The following UPF3B variants were observed in gnomAD, a reference collection of about 807,000 sequenced individuals.
UPF3B encodes the protein UPF3B regulator of nonsense mediated mRNA decay.
UPF3B carries 7 observed loss-of-function variants against 40.3 expected under a neutral mutation model. The observed-to-expected ratio is 0.17, with a 90% CI of 0.10 to 0.33. UPF3B has a LOEUF of 0.33. UPF3B is among the 10% of genes least tolerant of loss of function. The probability of loss-of-function intolerance (pLI) is 1.00; values close to 1 mark genes in which losing one functional copy is unlikely to be tolerated. For missense variants in UPF3B, 229 were observed against 358.9 expected, an observed-to-expected ratio of 0.64 and a Z score of 2.93; for synonymous variants, 117 against 117.3, an observed-to-expected ratio of 1.00 and a Z score of 0.01.
chrX:119,812,263 GAAA>G (rs111619328), intron 5 of UPF3B, among the ~76,000 whole-genome samples: 1 of 108,904 alleles, frequency 9.2e-6, no homozygotes, highest in Admixed American at 9.8e-5. Context: ...AAAAAAAAAA[GAAA>G]AAAATCCACC....
rs2055838314 is a variant in UPF3B at position 119,813,202 on chromosome X, T to C, written c.602+1998A>G. The stretch of plus-strand genomic sequence containing the variant: ...GATGTTGTCTAACATTTTGTTCTTA[T>C]GGGACAAGAATAGTGGATGTAGTTT... On this transcript the variant is annotated intron_variant, in intron 5 of 6. Transcript: ENST00000636792. Among the ~76,000 whole-genome samples the C allele has an allele frequency of 4.5e-5, 5 of 111,909 alleles. No individual in the cohort carries two copies. In the South Asian group the frequency reaches 1.9e-3, roughly 42 times the overall value.
At chrX:119,842,512 G>A (rs1161002801) in intron 5 of UPF3B, among the ~76,000 whole-genome samples, 5 of 108,531 alleles carry the variant, frequency 4.6e-5, no homozygotes, top group East Asian at 2.9e-4. Context: ...CCCAGGAGGC[G>A]GAAGTTGCAG....
chrX:119,813,338 C>T (rs1365322072), intron 5 of UPF3B, among the ~76,000 whole-genome samples: 6 of 109,844 alleles, frequency 5.5e-5, no homozygotes, highest in African/African-American at 2.0e-4. Context: ...TGGTGCTGTC[C>T]TCTCCATAGT....
At chrX:119,822,462 T>C (rs1234662225) in intron 4 of UPF3B, among the ~76,000 whole-genome samples, 1 of 113,096 alleles carries the variant, frequency 8.8e-6, no homozygotes, top group Non-Finnish European at 1.9e-5. Context: ...TTGCAATGCA[T>C]GTCCTCGCCA....
intron 5 of UPF3B, chrX:119,807,588 T>G: frequency 1.3e-6 from 1 of 782,706 alleles, no homozygotes. Context: ...GATCCTGAAG[T>G]ATAATGAAAT....
intron 10 of UPF3B, among the ~76,000 whole-genome samples, chrX:119,836,952 T>TA (rs1348866790): frequency 9.9e-6 from 1 of 101,425 alleles, no homozygotes; most frequent in Non-Finnish European, 2.0e-5. Context: ...GCCCGGCCAG[T>TA]TTTTTTTTTG....
At chrX:119,807,550 C>T in exon 6 of UPF3B, 3 of 840,235 alleles carry the variant, frequency 3.6e-6, no homozygotes, top group Non-Finnish European at 4.4e-6. Context: ...GCTTCGAGCT[C>T]CTGGATGGTA....
intron 3 of UPF3B, among the ~76,000 whole-genome samples, chrX:119,824,764 C>CTTTTTTTTTTTT (rs11351287): frequency 1.5e-5 from 1 of 65,646 alleles, no homozygotes; most frequent in African/African-American, 6.6e-5. Flanking sequence ...CCATTTCTTT[C>CTTTTTTTTTTTT]TTTTTTTTTT....
Position 119,851,765 on chromosome X carries a change from ACCTC to A in UPF3B, c.261_263+1del. 1 of 325,435 alleles carries A rather than the reference ACCTC, an allele frequency of 3.1e-6. No homozygotes were observed. The highest frequency in any genetic ancestry group is 3.9e-6 in the Non-Finnish European group (1 of 258,633). 26.8% of individuals were successfully genotyped at this position (325,435 alleles called of 1,213,427 possible). A position where few individuals can be genotyped will look rare whatever the true frequency, so the allele number is the denominator to read the frequency against. On this transcript the variant is annotated splice_donor_variant and coding_sequence_variant, in exon 2 of 11. Coordinates refer to ENST00000276201, the MANE Select transcript of UPF3B (RefSeq NM_080632.3). LOFTEE classifies it high-confidence loss of function. ...CCCCTTTCCTTTTTTTTTTTTTTTT[ACCTC>A]GTATCATTAGAAAAAAACTCAAAAT... is the stretch of plus-strand genomic sequence containing the variant.
chrX:119,826,734 C>A (rs183235155), intron 3 of UPF3B, among the ~76,000 whole-genome samples: 2 of 111,952 alleles, frequency 1.8e-5, no homozygotes, highest in African/African-American at 6.5e-5. Context: ...ATGACTTTTG[C>A]TCCAACCAAT....
rs754731796 is a variant in UPF3B, at chrX:119,851,499, A to C, written c.366T>G (p.Asn122Lys). Residue 122 changes from asparagine to lysine, a missense_variant, in exon 3 of 11, where the codon AAT becomes AAG. Physicochemically the swap from Asn to Lys is moderately conservative, Grantham distance 94. Transcript: ENST00000276201. ...ACTTCAGTTACCAGGACTCACCTTT[A>C]TTGTCAAGGAATACATAACCATCAA... is the stretch of plus-strand genomic sequence containing the variant. ...DRFDGYVFLD[N>K]KGQEYPAIVE... 8.4e-7 allele frequency: 1 copy of C among 1,193,845 alleles called. No individual in the cohort carries two copies. The highest frequency in any genetic ancestry group is 2.2e-5 in the Admixed American group (1 of 45,974).
chrX:119,826,627 CAG>C (rs920997983), intron 3 of UPF3B, among the ~76,000 whole-genome samples: 1 of 112,507 alleles, frequency 8.9e-6, no homozygotes, highest in Non-Finnish European at 1.9e-5. Flanking sequence ...CAGACAAGAA[CAG>C]AGATTTCAAT....
chrX:119,850,068 G>A (rs781384703), intron 3 of UPF3B, among the ~76,000 whole-genome samples: 2 of 103,031 alleles, frequency 1.9e-5, no homozygotes, highest in African/African-American at 7.8e-5. Context: ...GGTGGGGGGG[G>A]GGAAATCACT....
downstream of UPF3B, among the ~76,000 whole-genome samples, chrX:119,832,641 G>A (rs1314550020): frequency 9.0e-6 from 1 of 111,429 alleles, no homozygotes; most frequent in Non-Finnish European, 1.9e-5. Flanking sequence ...AATTTACCAA[G>A]TGTAATCTTG....
chrX:119,832,134 AT>A (rs2056043766), downstream of UPF3B, among the ~76,000 whole-genome samples: 1 of 111,482 alleles, frequency 9.0e-6, no homozygotes, highest in East Asian at 2.8e-4. Context: ...AAGTTTTTAA[AT>A]TTTTAGTAGA....
chrX:119,841,824 G>A, intron 5 of UPF3B, 46 bp from the exon 6 acceptor site: 1 of 1,099,912 alleles, frequency 9.1e-7, no homozygotes, highest in Non-Finnish European at 1.3e-6. Flanking sequence ...TCAACCCCTA[G>A]AAACGATTCC....
Position 119,841,344 on chromosome X carries a change from C to T in UPF3B, c.625-86G>A. On this transcript the variant is annotated intron_variant, in intron 6 of 10. Coordinates refer to ENST00000276201, the MANE Select transcript of UPF3B (RefSeq NM_080632.3). ...ATCCTGAAGTCATGGTAGGCCCCAA[C>T]TGAATAATCTTTCCTTCCTACTTTC... 4.3e-6 allele frequency: 5 copies of T among 1,175,455 alleles called. No homozygotes were observed. In the South Asian group the frequency reaches 7.5e-5, roughly 18 times the overall value.
chrX:119,833,446 C>G (rs1327671117), downstream of UPF3B, among the ~76,000 whole-genome samples: 1 of 111,309 alleles, frequency 9.0e-6, no homozygotes, highest in Admixed American at 9.7e-5. Flanking sequence ...CTGAAGTGAT[C>G]CTCCAGTCTC....
intron 1 of UPF3B, 81 bp downstream of exon 1, chrX:119,852,692 G>C: frequency 1.7e-6 from 2 of 1,178,061 alleles, no homozygotes; most frequent in Non-Finnish European, 2.3e-6. Flanking sequence ...GAGAAAGAAA[G>C]GGGGCAGCCC....
Sources: gnomAD v4.1 joint callset for allele counts (sites outside exome capture counted in the v4.1 genomes callset) on GRCh38, gnomAD v4.1.1 for gene constraint, MANE v1.5 for transcripts, NCBI Gene and HGNC (gene_info 2026-07-23, HGNC 2026-07-21) for gene names.